Variants in MYO1E observed in about 807,000 individuals in gnomAD.
MYO1E encodes the protein unconventional myosin-Ie.
Under a neutral mutation model 151.1 loss-of-function variants are expected in MYO1E, and 68 were observed. The ratio of observed to expected loss-of-function variants is 0.45; its 90% CI spans 0.37 to 0.55. MYO1E has a LOEUF of 0.55. Ranked by LOEUF, MYO1E falls within the 20% of genes least tolerant of loss-of-function variation. The pLI is 0.00. For missense variants in MYO1E, 1,363 were observed against 1,389.3 expected, an observed-to-expected ratio of 0.98 and a Z score of 0.30; for synonymous variants, 601 against 501.7, an observed-to-expected ratio of 1.20 and a Z score of -2.64.
At chr15:59,146,761 A>G (rs2140302745) in intron 26 of MYO1E, among the ~76,000 whole-genome samples, 1 of 150,170 alleles carries the variant, frequency 6.7e-6, no homozygotes, top group Middle Eastern at 3.5e-3. Context: ...ATATGTTAAT[A>G]TATGGTTATA....
At chr15:59,224,090 A>G (rs1406451853) in intron 8 of MYO1E, among the ~76,000 whole-genome samples, 1 of 152,220 alleles carries the variant, frequency 6.6e-6, no homozygotes, top group Non-Finnish European at 1.5e-5. Context: ...AAGGCCTTTG[A>G]GGCCAAGTGG....
In MYO1E at chr15:59,265,977, A is replaced by T. The variant is rs180703188; in HGVS notation, c.148-4468T>A. Among the ~76,000 whole-genome samples the T allele has an allele frequency of 2.0e-3, 301 of 151,914 alleles. 2 individuals carry two copies. Among genetic ancestry groups the T allele is most frequent in the African/African-American group, 5.0e-3 (209 of 41,414 alleles). ...GCAAATAAAATAAAATAAAAAATTTAAAAAAAAGTCTCAAAAAATAAAATG... is the reference window on the plus strand; with the variant it reads ...GCAAATAAAATAAAATAAAAAATTTTAAAAAAAGTCTCAAAAAATAAAATG... On this transcript the variant is annotated intron_variant, in intron 2 of 27. Coordinates refer to ENST00000288235, the MANE Select transcript of MYO1E (RefSeq NM_004998.4).
At chr15:59,334,113 T>C (rs2080714011) in intron 1 of MYO1E, among the ~76,000 whole-genome samples, 1 of 152,136 alleles carries the variant, frequency 6.6e-6, no homozygotes, top group African/African-American at 2.4e-5. Flanking sequence ...ACACTCCATC[T>C]GTACAAAAAC....
Position 59,236,674 on chromosome 15 carries a change from TAAAG to T in MYO1E, c.333-6_333-3del, listed in dbSNP as rs776158639. 3.1e-6 allele frequency: 5 copies of T among 1,610,304 alleles called. No homozygotes were observed. In the African/African-American group the frequency reaches 6.7e-5, roughly 22 times the overall value. On this transcript the variant is annotated splice_polypyrimidine_tract_variant and splice_region_variant and intron_variant, in intron 4 of 27. Transcript: ENST00000288235. ...GTTTTTCCAGCACCACTTTCACCAC[TAAAG>T]AAAGACAGACAAAGAATCCACCTGA... is the stretch of plus-strand genomic sequence containing the variant.
intron 7 of MYO1E, among the ~76,000 whole-genome samples, chr15:59,226,050 T>C (rs74020310): frequency 0.014 from 2,089 of 152,288 alleles, 45 homozygotes; most frequent in African/African-American, 0.047. Context: ...GGGGGAGGGT[T>C]GGGGCTTGCA....
At chr15:59,356,149 T>C (rs1030579999) in intron 1 of MYO1E, among the ~76,000 whole-genome samples, 8 of 152,186 alleles carry the variant, frequency 5.3e-5, no homozygotes, top group Non-Finnish European at 1.2e-4. Context: ...ATTTTCAACA[T>C]TATAGCTGCT....
chr15:59,166,965 G>C (rs1208898932), intron 22 of MYO1E, among the ~76,000 whole-genome samples: 1 of 152,174 alleles, frequency 6.6e-6, no homozygotes, highest in African/African-American at 2.4e-5. Context: ...AGCTTCCTGA[G>C]GCAGTGACTG....
chr15:59,246,051 G>A (rs1035384384), intron 4 of MYO1E, among the ~76,000 whole-genome samples: 77 of 152,184 alleles, frequency 5.1e-4, no homozygotes, highest in African/African-American at 1.8e-3. Flanking sequence ...CATTTACTGG[G>A]CTCACAGGTA....
chr15:59,211,104 G>C (rs112000728), intron 12 of MYO1E, among the ~76,000 whole-genome samples: 2,043 of 151,876 alleles, frequency 0.013, 54 homozygotes, highest in African/African-American at 0.048. Flanking sequence ...GGAGGCTGAG[G>C]CAGGAGAATT....
At chr15:59,326,223 C>T (rs7162847) in intron 1 of MYO1E, among the ~76,000 whole-genome samples, 117,027 of 151,590 alleles carry the variant, frequency 0.77, 45,585 homozygotes, top group Middle Eastern at 0.82. Context: ...GAAAAGCGCA[C>T]AGTAGAATTG....
chr15:59,186,559 TG>T (rs1472118759), intron 18 of MYO1E, among the ~76,000 whole-genome samples: 1 of 152,140 alleles, frequency 6.6e-6, no homozygotes, highest in Admixed American at 6.6e-5. Context: ...TGAGAGTAGC[TG>T]GGGCAACATA....
chr15:59,307,396 AGCAGCTGG>A (rs1317758388), intron 1 of MYO1E, among the ~76,000 whole-genome samples: 2 of 152,218 alleles, frequency 1.3e-5, no homozygotes, highest in African/African-American at 4.8e-5. Context: ...TACAGACAAC[AGCAGCTGG>A]GCAGCTGGGG....
In MYO1E at chr15:59,137,217, C is replaced by A; in HGVS notation, c.*163G>T. On this transcript the variant is annotated 3_prime_UTR_variant, in exon 28 of 28. Transcript: ENST00000288235. ...CTTATGGAGTGATACTCCCTGTCCC[C>A]AACCCAGCCTTTTCAGTGTCCTCCA... The A allele has an allele frequency of 1.4e-6, 1 of 694,146 alleles. No homozygotes were observed. The highest frequency in any genetic ancestry group is 2.1e-5 in the Admixed American group (1 of 47,262). The allele number at this position is 694,146 out of a possible 1,614,324, so 43.0% of individuals were successfully genotyped here. A position where few individuals can be genotyped will look rare whatever the true frequency, so the allele number is the denominator to read the frequency against.
chr15:59,348,595 A>G (rs1198751262), intron 1 of MYO1E: 1 of 151,956 alleles, frequency 6.6e-6, no homozygotes, highest in South Asian at 2.1e-4. Context: ...ACCATTGGCT[A>G]TATGTCAGAA....
intron 14 of MYO1E, chr15:59,207,750 T>G (rs1215926304): frequency 6.2e-7 from 1 of 1,614,028 alleles, no homozygotes; most frequent in African/African-American, 1.3e-5. Context: ...TAGGAACTGA[T>G]AAAGATCCTG....
chr15:59,351,327 C>T (rs1056423308), intron 1 of MYO1E, among the ~76,000 whole-genome samples: 8 of 152,132 alleles, frequency 5.3e-5, no homozygotes, highest in African/African-American at 1.4e-4. Context: ...TAAGTTCATT[C>T]GTTCATTCAA....
chr15:59,294,791 A>C (rs2140399158), intron 1 of MYO1E, among the ~76,000 whole-genome samples: 1 of 152,200 alleles, frequency 6.6e-6, no homozygotes, highest in East Asian at 1.9e-4. Flanking sequence ...TATTTCCCAC[A>C]ATGCCTCATG....
intron 18 of MYO1E, among the ~76,000 whole-genome samples, chr15:59,182,122 G>T (rs1184319993): frequency 6.6e-6 from 1 of 152,166 alleles, no homozygotes; most frequent in Non-Finnish European, 1.5e-5. Context: ...TTCAATAACA[G>T]TTTTGAAATA....
chr15:59,247,316 T>A (rs1391598637), intron 4 of MYO1E, among the ~76,000 whole-genome samples: 2 of 152,224 alleles, frequency 1.3e-5, no homozygotes, highest in Non-Finnish European at 2.9e-5. Flanking sequence ...TCCTATGGTA[T>A]ATGGTAGCTA....
Sources: gnomAD v4.1 joint callset for allele counts (sites outside exome capture counted in the v4.1 genomes callset) on GRCh38, gnomAD v4.1.1 for gene constraint, MANE v1.5 for transcripts, NCBI Gene and HGNC (gene_info 2026-07-23, HGNC 2026-07-21) for gene names.